Variants in ENOSF1 observed in about 807,000 individuals in gnomAD.
ENOSF1 encodes enolase superfamily member 1.
Under a neutral mutation model 68.2 loss-of-function variants are expected in ENOSF1, and 73 were observed. The observed-to-expected ratio is 1.07, with a 90% CI of 0.89 to 1.30. The LOEUF (loss-of-function observed/expected upper bound fraction) is 1.30, where lower values mean the gene tolerates loss of function less well. Ranked by LOEUF, ENOSF1 falls within the 50% of genes most tolerant of loss-of-function variation. The pLI is 0.00. For missense variants in ENOSF1, 589 were observed against 554.5 expected, an observed-to-expected ratio of 1.06 and a Z score of -0.62; for synonymous variants, 223 against 210.4, an observed-to-expected ratio of 1.06 and a Z score of -0.52.
intron 8 of ENOSF1, 125 bp downstream of exon 8, chr18:690,424 G>C (rs1280151753): frequency 9.3e-7 from 1 of 1,072,768 alleles, no homozygotes; most frequent in African/African-American, 1.6e-5. Context: ...GTTGGCGTGA[G>C]AAGGAAAACC....
chr18:684,562 C>T (rs941469453), intron 10 of ENOSF1, among the ~76,000 whole-genome samples: 1 of 151,962 alleles, frequency 6.6e-6, no homozygotes, highest in African/African-American at 2.4e-5. Flanking sequence ...TGAGGCAGTT[C>T]ATATTAACCC....
rs1568161954 is a variant in ENOSF1 at position 712,316 on chromosome 18, CAGT to C, written c.84+185_84+187del. The C allele has an allele frequency of 2.3e-5, 34 of 1,477,154 alleles. 12 individuals carry two copies. Among genetic ancestry groups the C allele is most frequent in the South Asian group, 1.2e-4 (10 of 82,328 alleles). 91.5% of individuals were successfully genotyped at this position (1,477,154 alleles called of 1,614,324 possible). On this transcript the variant is annotated intron_variant, in intron 1 of 15. Transcript: ENST00000647584. ...AAGCTGCCCGGGGCCCGCAGAGCTG[CAGT>C]CGGCGGGGCGGGAGGGACCCGGGCC...
In ENOSF1 at chr18:671,290, T is replaced by C; in HGVS notation, c.*3015A>G. On this transcript the variant is annotated 3_prime_UTR_variant, in exon 16 of 16. Transcript: ENST00000647584. ...CTAAATTATTTTTTTAAAAAAAGCC[T>C]TGCGGTGTCTGCATATTCTAATGTT... The C allele has an allele frequency of 1.1e-6, 1 of 878,440 alleles. No individual in the cohort carries two copies. Among genetic ancestry groups the C allele is most frequent in the Non-Finnish European group, 1.9e-6 (1 of 522,736 alleles). The allele number at this position is 878,440 out of a possible 1,614,324, so 54.4% of individuals were successfully genotyped here.
rs1388701795 is a variant in ENOSF1, at chr18:685,905, G to A, written c.741+16C>T. The stretch of plus-strand genomic sequence containing the variant: ...ACAAAGGCTACTGCTTCTTAGTGGT[G>A]TGAGAGGATATTTACCAAAGTCTTT... On this transcript the variant is annotated intron_variant, in intron 10 of 15. Coordinates refer to ENST00000647584, the MANE Select transcript of ENOSF1 (RefSeq NM_017512.7). 2 of 1,594,426 alleles carry A rather than the reference G, an allele frequency of 1.3e-6. No individual in the cohort carries two copies. Among genetic ancestry groups the A allele is most frequent in the Admixed American group, 1.7e-5 (1 of 60,004 alleles).
chr18:686,172 T>A (rs1345183300), intron 9 of ENOSF1, 164 bp from the exon 10 acceptor site: 4 of 613,216 alleles, frequency 6.5e-6, no homozygotes, highest in Non-Finnish European at 1.2e-5. Flanking sequence ...GAAATAAACC[T>A]GGGAACTTTA....
At position 696,488 on chromosome 18, in the gene ENOSF1, GGAGT is replaced by G. The variant is rs559615665; in HGVS notation, c.309+748_309+751del. On this transcript the variant is annotated intron_variant, in intron 3 of 15. Transcript: ENST00000647584. ...GGCCTCCCAAAGTGCTGGGATTACAGGAGTGAGCCACCGCGCCCGGCCTGACCTT... is the reference window on the plus strand; with the variant it reads ...GGCCTCCCAAAGTGCTGGGATTACAGGAGCCACCGCGCCCGGCCTGACCTT... 2.1e-3 allele frequency among the ~76,000 whole-genome samples: 319 copies of G among 152,190 alleles called. 1 individual carries two copies. Among genetic ancestry groups the G allele is most frequent in the African/African-American group, 7.4e-3 (306 of 41,554 alleles).
At position 688,620 on chromosome 18, in the gene ENOSF1, G is replaced by A. The variant is rs543799760; in HGVS notation, c.619-12C>T. On this transcript the variant is annotated splice_polypyrimidine_tract_variant and intron_variant, in intron 8 of 15. Coordinates refer to ENST00000647584, the MANE Select transcript of ENOSF1 (RefSeq NM_017512.7). ...GCCTGGGCACAGAGCTGTGGGAAAG[G>A]AGCACAGGGTCACACACTGGAGAGA... 3 of 1,613,654 alleles carry A rather than the reference G, an allele frequency of 1.9e-6. No individual in the cohort carries two copies. Among genetic ancestry groups the A allele is most frequent in the South Asian group, 1.1e-5 (1 of 91,066 alleles).
In ENOSF1 at chr18:689,024, C is replaced by T. The variant is rs2076899508; in HGVS notation, c.619-416G>A. Among the ~76,000 whole-genome samples, 3 of 152,278 alleles carry T rather than the reference C, an allele frequency of 2.0e-5. No individual in the cohort carries two copies. The South Asian group carries it at 6.2e-4, about 32-fold the overall frequency. On this transcript the variant is annotated intron_variant, in intron 8 of 15. Transcript: ENST00000647584. ...AATCCACCATGTGCCGACTGCATGC[C>T]ATGTGCCAGCCATGGTGCCTTGAGC...
Position 675,211 on chromosome 18 carries a change from T to G in ENOSF1, c.1230+110A>C, listed in dbSNP as rs1423609151. 3.6e-6 allele frequency: 3 copies of G among 824,086 alleles called. No homozygotes were observed. In the African/African-American group the frequency reaches 5.1e-5, roughly 14 times the overall value. The allele number at this position is 824,086 out of a possible 1,614,324, so 51.0% of individuals were successfully genotyped here. ...CTGAAGAACCGTTTGTTAGTGGATA[T>G]TGCAAACAAACAGGAGTCAAAGCTT... On this transcript the variant is annotated intron_variant, in intron 15 of 15. Coordinates refer to ENST00000647584, the MANE Select transcript of ENOSF1 (RefSeq NM_017512.7).
intron 12 of ENOSF1, 68 bp downstream of exon 12, chr18:678,628 C>G (rs2075758174): frequency 1.3e-6 from 2 of 1,504,722 alleles, no homozygotes; most frequent in Non-Finnish European, 1.8e-6. Context: ...ACAACTGTGT[C>G]CTCGGTCACT....
chr18:703,653 G>C (rs2078613460), intron 2 of ENOSF1, among the ~76,000 whole-genome samples: 1 of 152,196 alleles, frequency 6.6e-6, no homozygotes, highest in Admixed American at 6.5e-5. Flanking sequence ...GCAAATTCCT[G>C]TTTGCTCTTC....
intron 2 of ENOSF1, among the ~76,000 whole-genome samples, chr18:700,890 C>CAAAAAAAAAAAAAA (rs71174273): frequency 1.5e-5 from 1 of 64,916 alleles, no homozygotes; most frequent in Non-Finnish European, 2.8e-5. Flanking sequence ...AACTCTGCCT[C>CAAAAAAAAAAAAAA]AAAAAAAAAA....
chr18:676,719 C>G (rs543096380), intron 14 of ENOSF1, among the ~76,000 whole-genome samples: 6 of 152,214 alleles, frequency 3.9e-5, no homozygotes, highest in Non-Finnish European at 5.9e-5. Flanking sequence ...CACTACCCCC[C>G]TGAAGAGAAA....
In ENOSF1 at chr18:712,551, C is replaced by T. The variant is rs1376368096; in HGVS notation, c.37G>A (p.Asp13Asn). The T allele has an allele frequency of 2.6e-6, 4 of 1,539,838 alleles. No homozygotes were observed. The highest frequency in any genetic ancestry group is 3.5e-6 in the Non-Finnish European group (4 of 1,146,398). ...RGRISRLSVR[D>N]VRFPTSLGGH... ...CCAAGCGACGTGGGGAAGCGCACGT[C>T]CCGGACCGAGAGCCGGGAGATCCTG... The change falls in exon 1 of 16, where the codon GAC (aspartate) becomes AAC (asparagine). Residue 13 changes from aspartate (D) to asparagine (N), a missense_variant. Physicochemically the swap from Asp to Asn is conservative, Grantham distance 23 (BLOSUM62 1). Coordinates refer to ENST00000647584, the MANE Select transcript of ENOSF1 (RefSeq NM_017512.7).
chr18:691,005 CAG>C (rs1471016574), intron 7 of ENOSF1, 61 bp downstream of exon 7: 2 of 1,555,592 alleles, frequency 1.3e-6, no homozygotes, highest in Non-Finnish European at 1.8e-6. Context: ...CCCAAAAGGA[CAG>C]GGGCACTCAA....
At chr18:694,221 C>T (rs1156895020) in intron 4 of ENOSF1, 27 bp downstream of exon 4, 1 of 1,609,698 alleles carries the variant, frequency 6.2e-7, no homozygotes. Flanking sequence ...TCCCAGGAGC[C>T]TCCTGAGCGT....
chr18:680,682 T>G (rs2075987638), intron 11 of ENOSF1, among the ~76,000 whole-genome samples: 1 of 146,512 alleles, frequency 6.8e-6, no homozygotes, highest in Admixed American at 6.8e-5. Context: ...TTGTGTTTTT[T>G]TTTTTTTTTT....
At chr18:684,111 A>G in intron 10 of ENOSF1, among the ~76,000 whole-genome samples, 1 of 151,464 alleles carries the variant, frequency 6.6e-6, no homozygotes, top group East Asian at 1.9e-4. Flanking sequence ...CTCCTGCCTC[A>G]GCCTCCCGAG....
rs200740544 is a variant in ENOSF1, at chr18:677,920, C to T, written c.919-48G>A. ...CACCAACAGAAGAGTCAGCCTTGGC[C>T]TTCAGGATCTCTAAACCTGGCAACG... On this transcript the variant is annotated intron_variant, in intron 12 of 15. Coordinates refer to ENST00000647584, the MANE Select transcript of ENOSF1 (RefSeq NM_017512.7). 58 of 1,587,680 alleles carry T rather than the reference C, an allele frequency of 3.7e-5. 1 individual carries two copies. The South Asian group carries it at 6.0e-4, about 17-fold the overall frequency.
Sources: gnomAD v4.1 joint callset for allele counts (sites outside exome capture counted in the v4.1 genomes callset) on GRCh38, gnomAD v4.1.1 for gene constraint, MANE v1.5 for transcripts, NCBI Gene and HGNC (gene_info 2026-07-23, HGNC 2026-07-21) for gene names.